ANK1: variants seen among roughly 807,000 people sequenced by gnomAD.
ANK1 encodes ankyrin 1.
ANK1 carries 51 observed loss-of-function variants against 210.4 expected under a neutral mutation model. The observed-to-expected ratio is 0.24, with a 90% CI of 0.19 to 0.31. The LOEUF (loss-of-function observed/expected upper bound fraction) is 0.31. Among genes scored for constraint, ANK1 ranks in the 10% least tolerant of loss-of-function variants. The pLI is 1.00. For missense variants in ANK1, 2,051 were observed against 2,504.4 expected, an observed-to-expected ratio of 0.82 and a Z score of 3.86; for synonymous variants, 967 against 1,025.9, an observed-to-expected ratio of 0.94 and a Z score of 1.10.
intron 1 of ANK1, among the ~76,000 whole-genome samples, chr8:41,768,457 G>A (rs2150730180): frequency 6.6e-6 from 1 of 152,344 alleles, no homozygotes; most frequent in Middle Eastern, 3.4e-3. Flanking sequence ...TGGACATACT[G>A]CATTATCTCA....
chr8:41,725,693 C>CGTGCGCG, intron 6 of ANK1, 68 bp downstream of exon 6: 1 of 1,554,652 alleles, frequency 6.4e-7, no homozygotes, highest in Non-Finnish European at 8.7e-7. Flanking sequence ...AGTCGCTGGG[C>CGTGCGCG]GTGCGCGGTG....
chr8:41,669,445 C>T lies in ANK1; in HGVS notation c.5097-881G>A, dbSNP rs143765686. Among the ~76,000 whole-genome samples, 36 of 152,150 alleles carry T rather than the reference C, an allele frequency of 2.4e-4. No individual in the cohort carries two copies. In the East Asian group the frequency reaches 2.7e-3, roughly 12 times the overall value. On this transcript the variant is annotated intron_variant, in intron 38 of 42. Transcript: ENST00000289734. ...TTGAGTAGCTGGGACTGCAGGCACACGCCACCACGTCCAGCTATTTAAAAA... is the reference window on the plus strand; with the variant it reads ...TTGAGTAGCTGGGACTGCAGGCACATGCCACCACGTCCAGCTATTTAAAAA...
intron 16 of ANK1, among the ~76,000 whole-genome samples, chr8:41,713,087 G>A (rs943086727): frequency 2.6e-5 from 4 of 152,226 alleles, no homozygotes; most frequent in Non-Finnish European, 4.4e-5. Context: ...TGGCACTGAC[G>A]CTCCCTGCCT....
chr8:41,717,538 C>T, intron 12 of ANK1, 66 bp downstream of exon 12: 3 of 1,401,598 alleles, frequency 2.1e-6, no homozygotes, highest in Non-Finnish European at 3.0e-6. Context: ...ACTGGGAGCA[C>T]TGGTGAAAGC....
At chr8:41,691,643 C>T (rs1372676975) in intron 31 of ANK1, among the ~76,000 whole-genome samples, 1 of 152,176 alleles carries the variant, frequency 6.6e-6, no homozygotes, top group Non-Finnish European at 1.5e-5. Context: ...TGCCTCCTCA[C>T]CTGGGTGCTA....
At chr8:41,729,903 C>T (rs1236783460) in intron 3 of ANK1, among the ~76,000 whole-genome samples, 3 of 152,192 alleles carry the variant, frequency 2.0e-5, no homozygotes, top group Non-Finnish European at 2.9e-5. Flanking sequence ...GGGCAGCCTC[C>T]ACTCCATGCT....
At chr8:41,806,651 A>G (rs1851009458) in intron 1 of ANK1, among the ~76,000 whole-genome samples, 3 of 152,188 alleles carry the variant, frequency 2.0e-5, no homozygotes, top group South Asian at 4.1e-4. Flanking sequence ...GCTGCAGTGA[A>G]CCATGATGGT....
rs987852113 is a variant in ANK1 at position 41,879,029 on chromosome 8, A to C, written c.126+17326T>G. On this transcript the variant is annotated intron_variant, in intron 1 of 42. Coordinates refer to the ANK1 transcript ENST00000265709. ...CAGTGAGCCGAGATTGCGCCACTGCACTCCAGCCTGGGTGACACAGTGAGA... is the reference window on the plus strand; with the variant it reads ...CAGTGAGCCGAGATTGCGCCACTGCCCTCCAGCCTGGGTGACACAGTGAGA... Among the ~76,000 whole-genome samples the C allele has an allele frequency of 2.6e-5, 4 of 152,134 alleles. No individual in the cohort carries two copies. In the South Asian group the frequency reaches 8.3e-4, roughly 32 times the overall value.
chr8:41,814,523 C>T (rs923706048), intron 1 of ANK1, among the ~76,000 whole-genome samples: 29 of 152,050 alleles, frequency 1.9e-4, no homozygotes, highest in African/African-American at 6.8e-4. Context: ...TTATCAGAAA[C>T]CTGTATTCCA....
intron 39 of ANK1, chr8:41,665,092 A>C: frequency 6.3e-7 from 1 of 1,585,852 alleles, no homozygotes; most frequent in Non-Finnish European, 8.5e-7. Context: ...CCTGCCTCTC[A>C]TTCTCCACTG....
At chr8:41,670,994 G>A (rs186325813) in intron 38 of ANK1, among the ~76,000 whole-genome samples, 1 of 152,336 alleles carries the variant, frequency 6.6e-6, no homozygotes, top group Admixed American at 6.5e-5. Context: ...GCAAGGGCCT[G>A]GCTTGTCTTG....
chr8:41,667,538 C>T (rs1050243906), intron 39 of ANK1, among the ~76,000 whole-genome samples: 2 of 152,012 alleles, frequency 1.3e-5, no homozygotes, highest in African/African-American at 2.4e-5. Flanking sequence ...GCAGATGAAA[C>T]AAGATTGGCC....
In ANK1 at chr8:41,687,037, TC is replaced by T. The variant is rs536875400; in HGVS notation, c.4259-755del. On this transcript the variant is annotated intron_variant, in intron 35 of 42. Transcript: ENST00000289734. ...CACACGCCCCCTGAGCAGCCAGCAGTCATGATTAAAAGAAGGAGCCGTGACT... is the reference window on the plus strand; with the variant it reads ...CACACGCCCCCTGAGCAGCCAGCAGTATGATTAAAAGAAGGAGCCGTGACT... Among the ~76,000 whole-genome samples the T allele has an allele frequency of 4.3e-4, 66 of 152,228 alleles. No individual in the cohort carries two copies. The South Asian group carries it at 0.013, about 31-fold the overall frequency.
At chr8:41,825,028 G>A (rs1264370477) in intron 1 of ANK1, among the ~76,000 whole-genome samples, 1 of 152,248 alleles carries the variant, frequency 6.6e-6, no homozygotes, top group African/African-American at 2.4e-5. Flanking sequence ...TACCAACAGA[G>A]TAACCTAAAG....
intron 27 of ANK1, 133 bp downstream of exon 27, chr8:41,695,044 G>C (rs1327504793): frequency 6.1e-5 from 79 of 1,288,424 alleles, no homozygotes; most frequent in Non-Finnish European, 1.7e-5. Flanking sequence ...CCCAGGGCTT[G>C]TCCACACCAG....
chr8:41,727,179 G>T, intron 5 of ANK1, 71 bp downstream of exon 5: 1 of 1,184,190 alleles, frequency 8.4e-7, no homozygotes, highest in Non-Finnish European at 1.3e-6. Context: ...ATCCCAGGTA[G>T]GTGTCACCTG....
chr8:41,872,600 G>A (rs975244996), intron 1 of ANK1, among the ~76,000 whole-genome samples: 4 of 152,220 alleles, frequency 2.6e-5, no homozygotes, highest in East Asian at 3.8e-4. Flanking sequence ...CGTGGGGAGC[G>A]CGTCCAGCCG....
intron 1 of ANK1, among the ~76,000 whole-genome samples, chr8:41,821,999 G>A (rs745707893): frequency 6.6e-6 from 1 of 151,468 alleles, no homozygotes; most frequent in South Asian, 2.1e-4. Flanking sequence ...GCAGTGAGCC[G>A]AGATTGTGCC....
intron 40 of ANK1, 83 bp downstream of exon 40, chr8:41,663,576 G>T: frequency 7.3e-7 from 1 of 1,370,590 alleles, no homozygotes; most frequent in Non-Finnish European, 1.0e-6. Flanking sequence ...AGGGCAGCAG[G>T]GAGAAGCCAC....
Sources: gnomAD v4.1 joint callset for allele counts (sites outside exome capture counted in the v4.1 genomes callset) on GRCh38, gnomAD v4.1.1 for gene constraint, MANE v1.5 for transcripts, NCBI Gene and HGNC (gene_info 2026-07-23, HGNC 2026-07-21) for gene names.